The following SLC25A33 variants were observed in gnomAD, a reference collection of about 807,000 sequenced individuals.
SLC25A33 encodes solute carrier family 25 member 33.
Under a neutral mutation model 35.5 loss-of-function variants are expected in SLC25A33, and 15 were observed. The observed-to-expected ratio is 0.42, with a 90% confidence interval of 0.28 to 0.65. SLC25A33 has a LOEUF of 0.65. Among genes scored for constraint, SLC25A33 ranks in the 30% least tolerant of loss-of-function variants. The probability of loss-of-function intolerance (pLI) is 0.20; values close to 1 mark genes in which losing one functional copy is unlikely to be tolerated. For missense variants in SLC25A33, 257 were observed against 398.5 expected, an observed-to-expected ratio of 0.64 and a Z score of 3.02; for synonymous variants, 136 against 148.7, an observed-to-expected ratio of 0.91 and a Z score of 0.62.
Position 9,565,925 on chromosome 1 carries a change from C to T in SLC25A33, c.237-1359C>T, listed in dbSNP as rs117273038. 6.4e-4 allele frequency among the ~76,000 whole-genome samples: 97 copies of T among 151,890 alleles called. 1 individual carries two copies. In the East Asian group the frequency reaches 0.015, roughly 24 times the overall value. ...GAAAATGAAAAACGAAAAGCAGTCA[C>T]GGTATAATCTTTGGACTTGAGATAC... is the stretch of plus-strand genomic sequence containing the variant. On this transcript the variant is annotated intron_variant, in intron 2 of 6. Coordinates refer to ENST00000302692, the MANE Select transcript of SLC25A33 (RefSeq NM_032315.3).
intron 2 of SLC25A33, chr1:9,556,080 T>C (rs996625021): frequency 5.5e-5 from 24 of 434,612 alleles, no homozygotes; most frequent in Non-Finnish European, 7.0e-5. Context: ...AGCACAGAGA[T>C]GTGGAGGGAC....
At chr1:9,541,259 T>G (rs1187002656) in intron 1 of SLC25A33, among the ~76,000 whole-genome samples, 1 of 151,876 alleles carries the variant, frequency 6.6e-6, no homozygotes, top group Non-Finnish European at 1.5e-5. Context: ...GTTCACGCCA[T>G]TCTCCTGTCT....
chr1:9,562,715 G>C (rs1643440741), intron 2 of SLC25A33, among the ~76,000 whole-genome samples: 1 of 151,264 alleles, frequency 6.6e-6, no homozygotes, highest in South Asian at 2.1e-4. Context: ...TTAGCTGGGC[G>C]TAGTGGCGGG....
chr1:9,551,503 A>G (rs1270617839), intron 1 of SLC25A33, among the ~76,000 whole-genome samples: 1 of 152,206 alleles, frequency 6.6e-6, no homozygotes, highest in Non-Finnish European at 1.5e-5. Context: ...CTAGTGGAGT[A>G]GGGAAGCTGC....
chr1:9,564,139 G>C (rs1643465205), intron 2 of SLC25A33, among the ~76,000 whole-genome samples: 1 of 152,214 alleles, frequency 6.6e-6, no homozygotes, highest in African/African-American at 2.4e-5. Flanking sequence ...AACCATTGAA[G>C]AGAGTAAATT....
At chr1:9,543,813 A>T (rs546564178) in intron 1 of SLC25A33, among the ~76,000 whole-genome samples, 11 of 152,250 alleles carry the variant, frequency 7.2e-5, no homozygotes, top group Non-Finnish European at 1.6e-4. Context: ...TATCTTTAAG[A>T]TTTTAAACTA....
At position 9,582,191 on chromosome 1, in the gene SLC25A33, G is replaced by T. The variant is rs938183191; in HGVS notation, c.764-108G>T. ...GGCCTCCCAAAGTTCTGGGATTACA[G>T]GTGTGAGCCACCGCACCCGGCCTAA... is the stretch of plus-strand genomic sequence containing the variant. On this transcript the variant is annotated intron_variant, in intron 6 of 6. Coordinates refer to ENST00000302692, the MANE Select transcript of SLC25A33 (RefSeq NM_032315.3). This position sits in a 1 kb window ranked among gnomAD's most constrained non-coding sequence, Gnocchi z 4.0. 15 of 1,192,642 alleles carry T rather than the reference G, an allele frequency of 1.3e-5. No homozygotes were observed. In the African/African-American group the frequency reaches 2.3e-4, roughly 18 times the overall value. 73.9% of individuals were successfully genotyped at this position (1,192,642 alleles called of 1,614,324 possible).
At chr1:9,572,911 A>AC (rs1643611119) in intron 4 of SLC25A33, among the ~76,000 whole-genome samples, 1 of 152,074 alleles carries the variant, frequency 6.6e-6, no homozygotes, top group African/African-American at 2.4e-5. Context: ...CAAAAAAAAA[A>AC]AAAAAAATTT....
chr1:9,573,770 C>T (rs1557535923), intron 5 of SLC25A33, among the ~76,000 whole-genome samples: 1 of 152,094 alleles, frequency 6.6e-6, no homozygotes, highest in Non-Finnish European at 1.5e-5. Flanking sequence ...AAAGGGAAGA[C>T]AGTACAGGCA....
chr1:9,562,745 T>C (rs1643441144), intron 2 of SLC25A33, among the ~76,000 whole-genome samples: 1 of 149,246 alleles, frequency 6.7e-6, no homozygotes, highest in Admixed American at 6.7e-5. Flanking sequence ...TCCCAGCTAC[T>C]TGGAGACTGA....
At chr1:9,541,810 T>G (rs528176632) in intron 1 of SLC25A33, among the ~76,000 whole-genome samples, 91 of 151,722 alleles carry the variant, frequency 6.0e-4, no homozygotes, top group African/African-American at 1.8e-3. Flanking sequence ...TTGCTTTTTG[T>G]TTTTTTTCAG....
At chr1:9,559,310 T>C (rs1643387506) in intron 2 of SLC25A33, among the ~76,000 whole-genome samples, 1 of 152,200 alleles carries the variant, frequency 6.6e-6, no homozygotes, top group South Asian at 2.1e-4. Flanking sequence ...TTTTAATTAC[T>C]GAAATCGTCC....
chr1:9,553,209 T>TG (rs1557526467), intron 1 of SLC25A33, among the ~76,000 whole-genome samples: 26 of 126,258 alleles, frequency 2.1e-4, no homozygotes, highest in African/African-American at 7.7e-4. Context: ...TTTTGTTTTT[T>TG]TTTTTTTTTT....
chr1:9,559,190 G>A (rs1300193785), intron 2 of SLC25A33, among the ~76,000 whole-genome samples: 1 of 152,052 alleles, frequency 6.6e-6, no homozygotes, highest in Non-Finnish European at 1.5e-5. Context: ...ATTTTTATCC[G>A]TAGCACTTAC....
intron 2 of SLC25A33, among the ~76,000 whole-genome samples, chr1:9,561,923 C>T (rs1458758086): frequency 6.6e-6 from 1 of 152,046 alleles, no homozygotes; most frequent in Non-Finnish European, 1.5e-5. Context: ...ACAGCTCGAT[C>T]GTTTAAAAGA....
rs113938646 is a variant in SLC25A33, at chr1:9,578,355, C to T, written c.483-1599C>T. ...AGCTGAGACTGAAGCCCAAGGGGCC[C>T]CAGGTCTGCGCCCGCTCGGAGGGGT... On this transcript the variant is annotated intron_variant, in intron 5 of 6. Coordinates refer to ENST00000302692, the MANE Select transcript of SLC25A33 (RefSeq NM_032315.3). This position sits in a 1 kb window ranked among gnomAD's most constrained non-coding sequence, Gnocchi z 4.3. 7.9e-5 allele frequency among the ~76,000 whole-genome samples: 12 copies of T among 152,284 alleles called. No homozygotes were observed. The highest frequency in any genetic ancestry group is 2.4e-4 in the African/African-American group (10 of 41,554).
In SLC25A33 at chr1:9,578,572, A is replaced by G. The variant is rs1643695475; in HGVS notation, c.483-1382A>G. ...CAATAATAGAATCTATTTGGAGACG[A>G]GTGTGATCAGAAATCTAATAAGTAG... is the stretch of plus-strand genomic sequence containing the variant. On this transcript the variant is annotated intron_variant, in intron 5 of 6. Transcript: ENST00000302692. This position sits in a 1 kb window ranked among gnomAD's most constrained non-coding sequence, Gnocchi z 4.3. 6.6e-6 allele frequency among the ~76,000 whole-genome samples: 1 copy of G among 152,198 alleles called. No individual in the cohort carries two copies. The highest frequency in any genetic ancestry group is 6.5e-5 in the Admixed American group (1 of 15,288).
At chr1:9,562,813 A>G (rs903985676) in intron 2 of SLC25A33, among the ~76,000 whole-genome samples, 7 of 149,258 alleles carry the variant, frequency 4.7e-5, no homozygotes, top group Non-Finnish European at 8.9e-5. Flanking sequence ...AGATCGCGCC[A>G]TTGCACTCCA....
rs759941905 is a variant in SLC25A33 at position 9,559,966 on chromosome 1, A to AC, written c.236+6162dup. 5.9e-5 allele frequency among the ~76,000 whole-genome samples: 9 copies of AC among 152,282 alleles called. No individual in the cohort carries two copies. In the East Asian group the frequency reaches 1.5e-3, roughly 26 times the overall value. On this transcript the variant is annotated intron_variant, in intron 2 of 6. Transcript: ENST00000302692. ...AGACACTTTGTTATTCAAAAACCAT[A>AC]CAAGGCTGGGCGCAGTGGCTCACCC...
Sources: gnomAD v4.1 joint callset for allele counts (sites outside exome capture counted in the v4.1 genomes callset) on GRCh38, gnomAD v4.1.1 for gene constraint, Gnocchi (gnomAD v3.1) non-coding constraint, MANE v1.5 for transcripts, NCBI Gene and HGNC (gene_info 2026-07-23, HGNC 2026-07-21) for gene names.